The following CSMD1 variants were observed in gnomAD, a reference collection of about 807,000 sequenced individuals.
CSMD1 encodes the protein CUB and sushi domain-containing protein 1.
CSMD1 carries 213 observed loss-of-function variants against 417.5 expected under a neutral mutation model. That is an observed-to-expected ratio of 0.51 (90% CI 0.46 to 0.57). The LOEUF (loss-of-function observed/expected upper bound fraction) is 0.57. CSMD1 is among the 20% of genes least tolerant of loss of function. The pLI, the probability that CSMD1 is intolerant of heterozygous loss-of-function variation, is 0.00. For synonymous variants in CSMD1, 2,862 were observed against 1,736.8 expected, an observed-to-expected ratio of 1.65 and a Z score of -16.11; for missense variants, 6,923 against 4,529.7, an observed-to-expected ratio of 1.53 and a Z score of -15.17.
intron 50 of CSMD1, among the ~76,000 whole-genome samples, chr8:3,035,081 A>G (rs893595742): frequency 9.9e-5 from 15 of 152,086 alleles, no homozygotes; most frequent in African/African-American, 3.1e-4. Flanking sequence ...GCAACACGAA[A>G]CAGCCTGAGT....
Position 2,973,219 on chromosome 8 carries a change from G to A in CSMD1, c.8821C>T (p.Leu2941Phe). Residue 2941 changes from leucine (L) to phenylalanine (F), a missense_variant, in exon 57 of 70, where the codon CTT becomes TTT. Physicochemically the swap from Leu to Phe is conservative, Grantham distance 22. Coordinates refer to ENST00000635120, the MANE Select transcript of CSMD1 (RefSeq NM_033225.6). The part of the protein sequence containing the change: ...RLGDDFKTKS[L>F]LRFSCEMGHQ... ...CCCATTTCACAGGAGAAGCGGAGAA[G>A]ACTCTTTGTCTTAAAGTCATCACCA... is the stretch of plus-strand genomic sequence containing the variant. 1 of 1,613,886 alleles carries A rather than the reference G, an allele frequency of 6.2e-7. No homozygotes were observed. Among genetic ancestry groups the A allele is most frequent in the Non-Finnish European group, 8.5e-7 (1 of 1,179,840 alleles).
At chr8:3,432,156 A>G (rs966296316) in intron 12 of CSMD1, among the ~76,000 whole-genome samples, 2 of 152,226 alleles carry the variant, frequency 1.3e-5, no homozygotes, top group Non-Finnish European at 2.9e-5. Flanking sequence ...TTGCTTGGTA[A>G]TACCTGAACT....
chr8:3,812,128 A>G (rs1443407117), intron 5 of CSMD1, among the ~76,000 whole-genome samples: 1 of 152,190 alleles, frequency 6.6e-6, no homozygotes, highest in Non-Finnish European at 1.5e-5. Flanking sequence ...GGGTGTCCAT[A>G]TTTGTATTCA....
chr8:4,287,914 A>G (rs1259720211), intron 3 of CSMD1, among the ~76,000 whole-genome samples: 1 of 152,110 alleles, frequency 6.6e-6, no homozygotes, highest in African/African-American at 2.4e-5. Flanking sequence ...GCCATCACAT[A>G]TCTATGGTCA....
chr8:4,705,668 G>C (rs181370874), intron 1 of CSMD1, among the ~76,000 whole-genome samples: 1 of 151,980 alleles, frequency 6.6e-6, no homozygotes, highest in Admixed American at 6.6e-5. Flanking sequence ...CTTGTATCTC[G>C]TGTCATATGA....
intron 35 of CSMD1, 146 bp downstream of exon 35, chr8:3,188,741 A>C: frequency 1.9e-6 from 1 of 533,360 alleles, no homozygotes; most frequent in Non-Finnish European, 3.0e-6. Flanking sequence ...AGTATAGTCT[A>C]TGTATTTAAA....
intron 1 of CSMD1, among the ~76,000 whole-genome samples, chr8:4,721,609 G>A (rs778180798): frequency 6.6e-6 from 1 of 152,180 alleles, no homozygotes; most frequent in South Asian, 2.1e-4. Flanking sequence ...CTGTTTGTGT[G>A]AATATAGATT....
intron 3 of CSMD1, among the ~76,000 whole-genome samples, chr8:4,170,121 C>A (rs1383840907): frequency 6.6e-6 from 1 of 151,784 alleles, no homozygotes; most frequent in Non-Finnish European, 1.5e-5. Flanking sequence ...TTTTCTCCCT[C>A]CAGGGGCTTC....
intron 3 of CSMD1, among the ~76,000 whole-genome samples, chr8:4,397,956 C>T (rs1434490874): frequency 1.3e-5 from 2 of 152,158 alleles, no homozygotes; most frequent in Non-Finnish European, 2.9e-5. Flanking sequence ...AATGGGTTGT[C>T]ATACACCTGC....
chr8:4,388,057 C>T (rs914325439), intron 3 of CSMD1, among the ~76,000 whole-genome samples: 5 of 152,042 alleles, frequency 3.3e-5, no homozygotes, highest in South Asian at 2.1e-4. Context: ...AATGAATGTC[C>T]ACCTCATTTG....
intron 1 of CSMD1, among the ~76,000 whole-genome samples, chr8:4,718,030 G>T (rs937213175): frequency 2.6e-5 from 4 of 152,006 alleles, no homozygotes; most frequent in Non-Finnish European, 5.9e-5. Context: ...CAGGCTGGAG[G>T]GCAGTGGCAC....
At chr8:4,257,422 T>G (rs1306736387) in intron 3 of CSMD1, among the ~76,000 whole-genome samples, 1 of 148,716 alleles carries the variant, frequency 6.7e-6, no homozygotes, top group East Asian at 1.9e-4. Context: ...GGATTTGCAC[T>G]TTTCTCTCTC....
At chr8:3,112,657 T>C (rs1816588866) in intron 42 of CSMD1, among the ~76,000 whole-genome samples, 1 of 152,198 alleles carries the variant, frequency 6.6e-6, no homozygotes, top group Non-Finnish European at 1.5e-5. Context: ...GGAGATGCCA[T>C]AGTGAACCGT....
At chr8:3,741,770 G>A (rs746090626) in intron 6 of CSMD1, among the ~76,000 whole-genome samples, 5 of 152,120 alleles carry the variant, frequency 3.3e-5, no homozygotes, top group Non-Finnish European at 5.9e-5. Context: ...ATTTATTTGT[G>A]GGAATATGCC....
intron 1 of CSMD1, among the ~76,000 whole-genome samples, chr8:4,837,772 C>A (rs1438543050): frequency 6.6e-6 from 1 of 152,040 alleles, no homozygotes; most frequent in Non-Finnish European, 1.5e-5. Flanking sequence ...TTGTTTGTAA[C>A]TCAAAGGATA....
chr8:4,585,542 A>C (rs775032160), intron 2 of CSMD1, among the ~76,000 whole-genome samples: 5 of 152,158 alleles, frequency 3.3e-5, no homozygotes, highest in Admixed American at 6.5e-5. Flanking sequence ...ACTGTAACTG[A>C]TTAGAGACTT....
intron 3 of CSMD1, among the ~76,000 whole-genome samples, chr8:4,384,255 T>G (rs1475520241): frequency 6.6e-6 from 1 of 152,126 alleles, no homozygotes; most frequent in East Asian, 1.9e-4. Flanking sequence ...AGACTTTTTT[T>G]TTTGCCATTG....
At chr8:3,215,969 A>G (rs1358449311) in intron 29 of CSMD1, among the ~76,000 whole-genome samples, 1 of 150,286 alleles carries the variant, frequency 6.7e-6, no homozygotes, top group Non-Finnish European at 1.5e-5. Context: ...TACATTATAT[A>G]AAGAATCTAT....
intron 7 of CSMD1, among the ~76,000 whole-genome samples, chr8:3,705,929 G>C (rs566468623): frequency 6.6e-6 from 1 of 152,204 alleles, no homozygotes; most frequent in Non-Finnish European, 1.5e-5. Flanking sequence ...TCAGCAATAG[G>C]CATGTGGGCA....
Sources: allele counts gnomAD v4.1 joint callset (sites outside exome capture counted in the v4.1 genomes callset), GRCh38; gene constraint gnomAD v4.1.1; transcripts MANE v1.5; gene names NCBI Gene and HGNC (gene_info 2026-07-23, HGNC 2026-07-21).